Variants in NDUFAF7 observed in about 807,000 individuals in gnomAD.
NDUFAF7 encodes the protein NADH:ubiquinone oxidoreductase complex assembly factor 7, also known as protein arginine methyltransferase NDUFAF7, mitochondrial.
Under a neutral mutation model 47.2 loss-of-function variants are expected in NDUFAF7, and 48 were observed. The ratio of observed to expected loss-of-function variants is 1.02; its 90% CI spans 0.81 to 1.29. The LOEUF (loss-of-function observed/expected upper bound fraction) is 1.29. NDUFAF7 is among the 50% of genes most tolerant of loss of function. NDUFAF7 has a pLI of 0.00. For missense variants in NDUFAF7, 635 were observed against 537.6 expected (o/e 1.18, Z -1.79); for synonymous variants, 217 against 190.0 (o/e 1.14, Z -1.17).
chr2:37,248,246 C>T lies in NDUFAF7; in HGVS notation c.1222C>T (p.Leu408=). The change falls in exon 10 of 10, where the codon CTA becomes TTA. Residue 408 remains leucine (L), a synonymous_variant. Transcript: ENST00000002125. ...MGERFNFFAL[L]PHQRLQGGRY... Reference sequence around the variant, plus strand: ...AGAGAGATTTAACTTTTTTGCCTTGCTACCTCATCAGAGACTTCAAGGTGG... The same window carrying T: ...AGAGAGATTTAACTTTTTTGCCTTGTTACCTCATCAGAGACTTCAAGGTGG... 1 of 1,613,884 alleles carries T rather than the reference C, an allele frequency of 6.2e-7. No individual in the cohort carries two copies. Among genetic ancestry groups the T allele is most frequent in the Non-Finnish European group, 8.5e-7 (1 of 1,179,798 alleles).
intron 7 of NDUFAF7, among the ~76,000 whole-genome samples, chr2:37,244,517 T>C (rs1197202747): frequency 6.6e-6 from 1 of 152,162 alleles, no homozygotes; most frequent in Non-Finnish European, 1.5e-5. Context: ...CTGCTTTCTG[T>C]TGATCTCAAG....
In NDUFAF7 at chr2:37,247,510, C is replaced by G; in HGVS notation, c.991C>G (p.Leu331Val). 6.2e-7 allele frequency: 1 copy of G among 1,614,052 alleles called. No individual in the cohort carries two copies. The highest frequency in any genetic ancestry group is 8.5e-7 in the Non-Finnish European group (1 of 1,179,972). ...CTTAATTGCCCCAGGAACAGCAGAT[C>G]TAACAGCTGATGTGGACTTCAGTTA... ...DVLIAPGTAD[L>V]TADVDFSYLR... Residue 331 changes from leucine to valine, a missense_variant, in exon 9 of 10, where the codon CTA becomes GTA. Coordinates refer to ENST00000002125, the MANE Select transcript of NDUFAF7 (RefSeq NM_144736.5).
At chr2:37,249,886 A>T (rs1340592426), downstream of NDUFAF7, among the ~76,000 whole-genome samples, 1 of 151,940 alleles carries the variant, frequency 6.6e-6, no homozygotes, top group African/African-American at 2.4e-5. Flanking sequence ...TCAGAAGTTC[A>T]TTGGCAGTGA....
At chr2:37,264,942 T>C in the NDUFAF7 span, among the ~76,000 whole-genome samples, 1 of 152,220 alleles carries the variant, frequency 6.6e-6, no homozygotes, top group East Asian at 1.9e-4. Context: ...AGGTCACTTC[T>C]AAATCAGTGA....
At chr2:37,233,802 C>A (rs996296589) in intron 2 of NDUFAF7, among the ~76,000 whole-genome samples, 1 of 152,126 alleles carries the variant, frequency 6.6e-6, no homozygotes, top group African/African-American at 2.4e-5. Flanking sequence ...TGTAGAGGCT[C>A]TTAACCTAGG....
intron 8 of NDUFAF7, 26 bp from the exon 9 acceptor site, chr2:37,247,430 A>G (rs1299550078): frequency 6.2e-7 from 1 of 1,613,642 alleles, no homozygotes; most frequent in Non-Finnish European, 8.5e-7. Context: ...ATAAAAGGGC[A>G]AAAATCTGAT....
In NDUFAF7 at chr2:37,248,245, G is replaced by GCT. The variant is rs750887626; in HGVS notation, c.1222_1223dup (p.Pro409TyrfsTer25). On this transcript the variant is annotated frameshift_variant, in exon 10 of 10. Coordinates refer to ENST00000002125, the MANE Select transcript of NDUFAF7 (RefSeq NM_144736.5). LOFTEE classifies it low-confidence loss of function (END_TRUNC). ...GAGAGAGATTTAACTTTTTTGCCTT[G>GCT]CTACCTCATCAGAGACTTCAAGGTG... The GCT allele has an allele frequency of 6.2e-7, 1 of 1,613,936 alleles. No homozygotes were observed. The highest frequency in any genetic ancestry group is 8.5e-7 in the Non-Finnish European group (1 of 1,179,884).
intron 4 of NDUFAF7, among the ~76,000 whole-genome samples, chr2:37,239,493 A>G (rs146362645): frequency 7.9e-4 from 120 of 152,300 alleles, no homozygotes; most frequent in African/African-American, 2.8e-3. Context: ...TGACCCAGCA[A>G]TTTTACTGCT....
the NDUFAF7 span, chr2:37,267,827 C>A: frequency 3.2e-6 from 1 of 312,562 alleles, no homozygotes; most frequent in Non-Finnish European, 5.9e-6. Flanking sequence ...AGTTAATTAC[C>A]CTGACCTAGT....
chr2:37,248,259 G>A lies in NDUFAF7; in HGVS notation c.1235G>A (p.Arg412Lys). ...TTTTTTGCCTTGCTACCTCATCAGA[G>A]ACTTCAAGGTGGAAGATATCAGAGG... ...FNFFALLPHQ[R>K]LQGGRYQRNA... is the part of the protein sequence containing the mutation. The change falls in exon 10 of 10, where the codon AGA becomes AAA. Residue 412 changes from arginine to lysine, a missense_variant. By Grantham distance (26) the Arg-to-Lys change is conservative. Transcript: ENST00000002125. The A allele has an allele frequency of 6.2e-7, 1 of 1,614,076 alleles. No individual in the cohort carries two copies. Among genetic ancestry groups the A allele is most frequent in the East Asian group, 2.2e-5 (1 of 44,870 alleles).
the NDUFAF7 span, chr2:37,269,510 A>G: frequency 1.1e-6 from 1 of 931,952 alleles, no homozygotes; most frequent in South Asian, 1.4e-5. Flanking sequence ...TTTAAAAAAA[A>G]GGCACTGGAC....
the NDUFAF7 span, chr2:37,267,791 G>A: frequency 7.6e-6 from 3 of 395,534 alleles, no homozygotes; most frequent in Non-Finnish European, 1.4e-5. Flanking sequence ...TTGCTGAAAA[G>A]TAATCTACCT....
Position 37,248,216 on chromosome 2 carries a change from A to G in NDUFAF7, c.1192A>G (p.Met398Val). ...GYDMLMNPKKMGERFNFFALL... is the reference protein window; with the variant it reads ...GYDMLMNPKKVGERFNFFALL... Reference sequence around the variant, plus strand: ...TGATATGTTAATGAATCCAAAGAAGATGGGAGAGAGATTTAACTTTTTTGC... The same window carrying G: ...TGATATGTTAATGAATCCAAAGAAGGTGGGAGAGAGATTTAACTTTTTTGC... Residue 398 changes from methionine to valine, a missense_variant, in exon 10 of 10, where the codon ATG becomes GTG. Physicochemically the swap from Met to Val is conservative, Grantham distance 21. Transcript: ENST00000002125. The G allele has an allele frequency of 6.2e-7, 1 of 1,613,920 alleles. No individual in the cohort carries two copies. Among genetic ancestry groups the G allele is most frequent in the Non-Finnish European group, 8.5e-7 (1 of 1,179,822 alleles).
downstream of NDUFAF7, chr2:37,252,718 A>T (rs1166196338): frequency 6.6e-6 from 1 of 152,006 alleles, no homozygotes; most frequent in Admixed American, 6.6e-5. Flanking sequence ...CCTCACAGTT[A>T]CCTCTTAAAT....
At chr2:37,260,766 T>C in the NDUFAF7 span, among the ~76,000 whole-genome samples, 1 of 152,226 alleles carries the variant, frequency 6.6e-6, no homozygotes, top group Non-Finnish European at 1.5e-5. Flanking sequence ...TTGGGGGCTG[T>C]ATTTGTGATG....
chr2:37,231,778 C>G lies in NDUFAF7; in HGVS notation c.55+18C>G. On this transcript the variant is annotated intron_variant, in intron 1 of 9. Coordinates refer to ENST00000002125, the MANE Select transcript of NDUFAF7 (RefSeq NM_144736.5). ...GCGCGCAGGTAAGCGTCAGTCCCCT[C>G]GAAGCCCGGTTGCCGTGGAAGCCGC... 2 of 1,614,100 alleles carry G rather than the reference C, an allele frequency of 1.2e-6. No individual in the cohort carries two copies. Among genetic ancestry groups the G allele is most frequent in the Non-Finnish European group, 8.5e-7 (1 of 1,180,010 alleles).
chr2:37,259,302 C>G, the NDUFAF7 span, among the ~76,000 whole-genome samples: 1 of 152,196 alleles, frequency 6.6e-6, no homozygotes, highest in African/African-American at 2.4e-5. Flanking sequence ...ATGCACCAAC[C>G]AAGGTTGATA....
downstream of NDUFAF7, chr2:37,254,307 A>C: frequency 6.3e-7 from 1 of 1,598,078 alleles, no homozygotes; most frequent in Non-Finnish European, 8.6e-7. Flanking sequence ...AAAAGACAAA[A>C]CAAGATACAT....
At chr2:37,257,742 CTT>C (rs1668097024), downstream of NDUFAF7, among the ~76,000 whole-genome samples, 1 of 148,882 alleles carries the variant, frequency 6.7e-6, no homozygotes, top group African/African-American at 2.5e-5. Context: ...CCTAGAATCT[CTT>C]TTCCTAAGGA....
Sources: allele counts gnomAD v4.1 joint callset (sites outside exome capture counted in the v4.1 genomes callset), GRCh38; gene constraint gnomAD v4.1.1; transcripts MANE v1.5; gene names NCBI Gene and HGNC (gene_info 2026-07-23, HGNC 2026-07-21).